EPHB2: variants seen among roughly 807,000 people sequenced by gnomAD.
The protein encoded by EPHB2 is ephrin type-B receptor 2.
A neutral mutation model predicts 96.4 loss-of-function variants in EPHB2; 18 were observed. That is an observed-to-expected ratio of 0.19 (90% CI 0.13 to 0.28). The LOEUF is 0.28. Among genes scored for constraint, EPHB2 ranks in the 10% least tolerant of loss-of-function variants. The pLI is 1.00. For synonymous variants in EPHB2, 506 were observed against 534.1 expected (o/e 0.95, Z 0.72); for missense variants, 989 against 1,355.4 (o/e 0.73, Z 4.25).
intron 1 of EPHB2, among the ~76,000 whole-genome samples, chr1:22,726,414 CTTTTTTTTTCTT>C (rs1643582654): frequency 1.4e-5 from 1 of 69,544 alleles, no homozygotes; most frequent in African/African-American, 3.3e-5. Context: ...GTTTCTTTTT[CTTTTTTTTTCTT>C]TTTTTTTTTT....
intron 3 of EPHB2, among the ~76,000 whole-genome samples, chr1:22,811,447 T>G (rs1033124178): frequency 6.6e-6 from 1 of 152,210 alleles, no homozygotes; most frequent in Non-Finnish European, 1.5e-5. Flanking sequence ...TCCCTTCTCT[T>G]TCACTCTCAG....
chr1:22,892,531 A>G (rs952056890), intron 6 of EPHB2, among the ~76,000 whole-genome samples: 15 of 152,186 alleles, frequency 9.9e-5, no homozygotes, highest in African/African-American at 3.1e-4. Flanking sequence ...GTGGTTACCC[A>G]GTGCAAGTTC....
At position 22,912,603 on chromosome 1, in the gene EPHB2, A is replaced by G. The variant is rs1640143990; in HGVS notation, c.2852+4A>G. 6.2e-7 allele frequency: 1 copy of G among 1,613,578 alleles called. No individual in the cohort carries two copies. Among genetic ancestry groups the G allele is most frequent in the Non-Finnish European group, 8.5e-7 (1 of 1,180,006 alleles). The stretch of plus-strand genomic sequence containing the variant: ...TCGTGTCTCAGATGATGATGGAGTA[A>G]GTGCCCAGCCACTTCTGCTTGTCAC... On this transcript the variant is annotated splice_donor_region_variant and intron_variant, in intron 15 of 15. Coordinates refer to ENST00000374630, the MANE Select transcript of EPHB2 (RefSeq NM_017449.5).
chr1:22,795,956 G>A (rs1034173146), intron 3 of EPHB2, among the ~76,000 whole-genome samples: 1 of 152,202 alleles, frequency 6.6e-6, no homozygotes, highest in African/African-American at 2.4e-5. Flanking sequence ...TCTGTGAGGA[G>A]CTCACACTGA....
chr1:22,809,909 T>G (rs971360142), intron 3 of EPHB2, among the ~76,000 whole-genome samples: 2 of 152,308 alleles, frequency 1.3e-5, no homozygotes, highest in South Asian at 4.1e-4. Flanking sequence ...GGCCAATATG[T>G]GAGCCCAAGG....
chr1:22,781,135 A>G (rs1156684386), intron 1 of EPHB2, among the ~76,000 whole-genome samples: 1 of 151,920 alleles, frequency 6.6e-6, no homozygotes, highest in African/African-American at 2.4e-5. Flanking sequence ...CCTGGCTAAC[A>G]CGGTGAAACC....
At chr1:22,800,146 A>T (rs1644821861) in intron 3 of EPHB2, 1 of 152,400 alleles carries the variant, frequency 6.6e-6, no homozygotes, top group Non-Finnish European at 1.5e-5. Context: ...ATGTGCACGC[A>T]TGTGCTGGGT....
intron 1 of EPHB2, among the ~76,000 whole-genome samples, chr1:22,720,462 C>T (rs1187635619): frequency 1.3e-5 from 2 of 152,102 alleles, no homozygotes; most frequent in African/African-American, 4.8e-5. Flanking sequence ...GCCCCTGCAC[C>T]CTGTTGTTGT....
chr1:22,912,678 A>G (rs1390457088), intron 15 of EPHB2, 79 bp downstream of exon 15: 1 of 1,593,282 alleles, frequency 6.3e-7, no homozygotes, highest in African/African-American at 1.3e-5. Context: ...GGTGATCTGG[A>G]GGGTGAGGAA....
At chr1:22,902,699 A>G (rs1639788352) in intron 9 of EPHB2, among the ~76,000 whole-genome samples, 1 of 152,240 alleles carries the variant, frequency 6.6e-6, no homozygotes, top group Non-Finnish European at 1.5e-5. Flanking sequence ...TCCTGGGGAA[A>G]AGGGTAAACT....
chr1:22,820,522 G>C (rs1013825467), intron 3 of EPHB2, among the ~76,000 whole-genome samples: 1 of 152,078 alleles, frequency 6.6e-6, no homozygotes, highest in Non-Finnish European at 1.5e-5. Flanking sequence ...AATTAGCCGG[G>C]TGTGGTGGTG....
At chr1:22,895,980 A>G (rs1238022861) in intron 8 of EPHB2, among the ~76,000 whole-genome samples, 1 of 152,118 alleles carries the variant, frequency 6.6e-6, no homozygotes, top group Non-Finnish European at 1.5e-5. Context: ...AGGAGGGGGG[A>G]GGGACCTCCC....
chr1:22,885,413 G>A (rs978304158), intron 6 of EPHB2, among the ~76,000 whole-genome samples: 2 of 152,246 alleles, frequency 1.3e-5, no homozygotes, highest in Admixed American at 6.5e-5. Context: ...ACTTTCCGCC[G>A]CTGCCCGAGC....
Position 22,913,794 on chromosome 1 carries a change from G to C in EPHB2, c.*224G>C. On this transcript the variant is annotated 3_prime_UTR_variant, in exon 16 of 16. Transcript: ENST00000374630. The surrounding 1 kb of genome is among the most constrained non-coding windows in gnomAD (Gnocchi z 4.1). ...GGAAAAAAGAAAACAGATCCTGGGAGGGGGCGGGAAATACAAGGAATATTT... is the reference window on the plus strand; with the variant it reads ...GGAAAAAAGAAAACAGATCCTGGGACGGGGCGGGAAATACAAGGAATATTT... 6.2e-7 allele frequency: 1 copy of C among 1,609,872 alleles called. No individual in the cohort carries two copies. Among genetic ancestry groups the C allele is most frequent in the African/African-American group, 1.3e-5 (1 of 74,938 alleles).
At chr1:22,749,181 TA>T (rs1644024061) in intron 1 of EPHB2, among the ~76,000 whole-genome samples, 1 of 151,800 alleles carries the variant, frequency 6.6e-6, no homozygotes, top group Non-Finnish European at 1.5e-5. Flanking sequence ...CCACCACGCC[TA>T]GCTCATTTTT....
Position 22,906,703 on chromosome 1 carries a change from C to T in EPHB2, c.1889-7C>T. 6.2e-7 allele frequency: 1 copy of T among 1,614,120 alleles called. No homozygotes were observed. Among genetic ancestry groups the T allele is most frequent in the Non-Finnish European group, 8.5e-7 (1 of 1,180,026 alleles). On this transcript the variant is annotated splice_polypyrimidine_tract_variant and splice_region_variant and intron_variant, in intron 10 of 15. Transcript: ENST00000374630. This position sits in a 1 kb window ranked among gnomAD's most constrained non-coding sequence, Gnocchi z 4.8. ...ACATCCTGTCTGTCTTGGTGTTTCTCTCTCAGGGGAGTTTGGCGAGGTCTG... is the reference window on the plus strand; with the variant it reads ...ACATCCTGTCTGTCTTGGTGTTTCTTTCTCAGGGGAGTTTGGCGAGGTCTG...
chr1:22,804,788 C>T (rs1440019464), intron 3 of EPHB2, among the ~76,000 whole-genome samples: 1 of 151,816 alleles, frequency 6.6e-6, no homozygotes, highest in Non-Finnish European at 1.5e-5. Flanking sequence ...GTCCCCTGCT[C>T]CTTCAGTGTC....
intron 3 of EPHB2, among the ~76,000 whole-genome samples, chr1:22,806,937 C>T (rs1644935946): frequency 6.6e-6 from 1 of 151,920 alleles, no homozygotes. Flanking sequence ...ACAGAGGTGC[C>T]TTTATTATCA....
At chr1:22,791,451 CTT>C (rs1280862644) in intron 3 of EPHB2, among the ~76,000 whole-genome samples, 1 of 121,492 alleles carries the variant, frequency 8.2e-6, no homozygotes, top group Non-Finnish European at 1.7e-5. Context: ...GGGTTTCTTT[CTT>C]TCTTTCTTTC....
Sources: gnomAD v4.1 joint callset for allele counts (sites outside exome capture counted in the v4.1 genomes callset) on GRCh38, gnomAD v4.1.1 for gene constraint, Gnocchi (gnomAD v3.1) non-coding constraint, MANE v1.5 for transcripts, NCBI Gene and HGNC (gene_info 2026-07-23, HGNC 2026-07-21) for gene names.